Variants in GRIN2B observed in about 807,000 individuals in gnomAD.
The protein encoded by GRIN2B is glutamate receptor ionotropic, NMDA 2B.
In GRIN2B, 5 loss-of-function variants were observed where a neutral mutation model predicts 114.5. The observed-to-expected ratio is 0.04, with a 90% CI of 0.02 to 0.09. The LOEUF (loss-of-function observed/expected upper bound fraction) is 0.09. GRIN2B is among the 10% of genes least tolerant of loss of function. The pLI is 1.00. For missense variants in GRIN2B, 1,108 were observed against 1,943.5 expected, an observed-to-expected ratio of 0.57 and a Z score of 8.08; for synonymous variants, 787 against 745.1, an observed-to-expected ratio of 1.06 and a Z score of -0.92.
Position 13,791,369 on chromosome 12 carries a change from A to G in GRIN2B, c.412-37454T>C, listed in dbSNP as rs574522079. 3.2e-3 allele frequency among the ~76,000 whole-genome samples: 482 copies of G among 151,452 alleles called. 7 individuals carry two copies. The highest frequency in any genetic ancestry group is 0.011 in the African/African-American group (457 of 41,298). ...GGAGAGGCTGAGGCAGGAGAATGGCATGAACCCGGGAGGCGGAGCTTGCAG... is the reference window on the plus strand; with the variant it reads ...GGAGAGGCTGAGGCAGGAGAATGGCGTGAACCCGGGAGGCGGAGCTTGCAG... On this transcript the variant is annotated intron_variant, in intron 3 of 13. Transcript: ENST00000609686.
chr12:13,557,059 A>AATAG lies in GRIN2B; in HGVS notation c.*5720_*5723dup, dbSNP rs1445526956. 2.0e-5 allele frequency: 3 copies of AATAG among 152,344 alleles called. No individual in the cohort carries two copies. The highest frequency in any genetic ancestry group is 1.3e-4 in the Admixed American group (2 of 15,298). 9.4% of individuals were successfully genotyped at this position (152,344 alleles called of 1,614,324 possible). On this transcript the variant is annotated 3_prime_UTR_variant, in exon 14 of 14. Transcript: ENST00000609686. ...TTTGGGTGAGGGCCTTTGTCATAGG[A>AATAG]ATAGATAGGCTATCTCTTCTAAGTC... is the stretch of plus-strand genomic sequence containing the variant.
chr12:13,797,575 T>C (rs1356706479), intron 3 of GRIN2B, among the ~76,000 whole-genome samples: 1 of 152,226 alleles, frequency 6.6e-6, no homozygotes, highest in African/African-American at 2.4e-5. Context: ...CAAAAAGGTC[T>C]ACTTTCATGC....
chr12:13,565,110 G>A (rs1179427847), intron 13 of GRIN2B, among the ~76,000 whole-genome samples: 1 of 152,242 alleles, frequency 6.6e-6, no homozygotes, highest in Non-Finnish European at 1.5e-5. Context: ...TGACAGTAAA[G>A]CACAGGGGAG....
intron 6 of GRIN2B, among the ~76,000 whole-genome samples, chr12:13,616,137 CA>C (rs1555112276): frequency 6.6e-6 from 1 of 152,170 alleles, no homozygotes; most frequent in Non-Finnish European, 1.5e-5. Flanking sequence ...GATTCTGGGA[CA>C]TGCTGGCCCA....
In GRIN2B at chr12:13,928,094, T is replaced by A. The variant is rs1457685454; in HGVS notation, c.-19+51834A>T. 2.6e-5 allele frequency among the ~76,000 whole-genome samples: 4 copies of A among 151,458 alleles called. No homozygotes were observed. In the East Asian group the frequency reaches 7.8e-4, roughly 29 times the overall value. Reference sequence around the variant, plus strand: ...GGGAGGCTGAGGCGGGTGGATCACTTGAGGTCAGGAGTTTGAGACCAGCCT... The same window carrying A: ...GGGAGGCTGAGGCGGGTGGATCACTAGAGGTCAGGAGTTTGAGACCAGCCT... On this transcript the variant is annotated intron_variant, in intron 2 of 13. Transcript: ENST00000609686.
Position 13,969,904 on chromosome 12 carries a change from G to A in GRIN2B, c.-19+10024C>T, listed in dbSNP as rs1188682013. Among the ~76,000 whole-genome samples the A allele has an allele frequency of 5.3e-5, 8 of 152,356 alleles. No homozygotes were observed. In the East Asian group the frequency reaches 1.5e-3, roughly 29 times the overall value. On this transcript the variant is annotated intron_variant, in intron 2 of 13. Coordinates refer to ENST00000609686, the MANE Select transcript of GRIN2B (RefSeq NM_000834.5). ...TTTATTCCAGACAGTCCAGGCTGGA[G>A]TGCAGTGGTGCAATCTCAGCTCACT...
chr12:13,943,423 G>T (rs1031457007), intron 2 of GRIN2B, among the ~76,000 whole-genome samples: 1 of 152,200 alleles, frequency 6.6e-6, no homozygotes, highest in Non-Finnish European at 1.5e-5. Context: ...GTCAGATGAT[G>T]TCACACTCCT....
chr12:13,768,114 C>T lies in GRIN2B; in HGVS notation c.412-14199G>A, dbSNP rs952074971. On this transcript the variant is annotated intron_variant, in intron 3 of 13. Coordinates refer to ENST00000609686, the MANE Select transcript of GRIN2B (RefSeq NM_000834.5). ...TTGCTCAGTGAATGCCTTCTAGAGT[C>T]AGAATTAGTTAAGCTTCCTTCTTTG... Among the ~76,000 whole-genome samples, 3 of 152,350 alleles carry T rather than the reference C, an allele frequency of 2.0e-5. No individual in the cohort carries two copies. In the East Asian group the frequency reaches 5.8e-4, roughly 29 times the overall value.
At position 13,600,263 on chromosome 12, in the gene GRIN2B, CTTCAT is replaced by C. The variant is rs562760555; in HGVS notation, c.2010+8335_2010+8339del. On this transcript the variant is annotated intron_variant, in intron 10 of 13. Transcript: ENST00000609686. ...CCATCTGTCTCCTTCCTTCTCCTTC[CTTCAT>C]TTCATTTTTGTGTTTCACAAAAAGA... 1.4e-4 allele frequency among the ~76,000 whole-genome samples: 21 copies of C among 152,116 alleles called. No individual in the cohort carries two copies. The South Asian group carries it at 4.0e-3, about 29-fold the overall frequency.
chr12:13,876,143 A>G (rs1865987864), intron 2 of GRIN2B, among the ~76,000 whole-genome samples: 1 of 152,232 alleles, frequency 6.6e-6, no homozygotes, highest in Non-Finnish European at 1.5e-5. Flanking sequence ...AATCTTTTGA[A>G]GAAAGCAAGG....
chr12:13,723,799 CA>C (rs1333491943), intron 4 of GRIN2B, among the ~76,000 whole-genome samples: 1 of 152,074 alleles, frequency 6.6e-6, no homozygotes, highest in Non-Finnish European at 1.5e-5. Context: ...TTTGTCAATA[CA>C]TTTTCAAGTC....
chr12:13,753,412 A>G lies in GRIN2B; in HGVS notation c.915T>C (p.Ser305=). 2 of 1,613,872 alleles carry G rather than the reference A, an allele frequency of 1.2e-6. No individual in the cohort carries two copies. The highest frequency in any genetic ancestry group is 1.7e-6 in the Non-Finnish European group (2 of 1,179,706). ...TGAAGCTGTGCTCAGACAGCATGTC[A>G]GAAGCAGCAGTGGTGATTATGGCAA... ...DGIAIITTAA[S]DMLSEHSFIP... Residue 305 remains serine (S), a synonymous_variant, in exon 4 of 14, where the codon TCT becomes TCC. Coordinates refer to ENST00000609686, the MANE Select transcript of GRIN2B (RefSeq NM_000834.5). This position sits in a 1 kb window ranked among gnomAD's most constrained non-coding sequence, Gnocchi z 6.2.
intron 4 of GRIN2B, among the ~76,000 whole-genome samples, chr12:13,744,633 G>A (rs1457636201): frequency 6.6e-6 from 1 of 152,118 alleles, no homozygotes; most frequent in African/African-American, 2.4e-5. Context: ...GGAAAGAAAA[G>A]GCCTGGGCAT....
intron 2 of GRIN2B, among the ~76,000 whole-genome samples, chr12:13,879,519 A>T (rs1287688383): frequency 8.4e-6 from 1 of 118,576 alleles, no homozygotes; most frequent in African/African-American, 3.9e-5. Context: ...TAGAATTAGT[A>T]AAAAAAAAAA....
At chr12:13,741,769 C>T (rs1290239554) in intron 4 of GRIN2B, among the ~76,000 whole-genome samples, 2 of 151,968 alleles carry the variant, frequency 1.3e-5, no homozygotes, top group South Asian at 2.1e-4. Context: ...CCATGTTGCC[C>T]AAGCTGGTCT....
chr12:13,564,730 G>T lies in GRIN2B; in HGVS notation c.2599-91C>A. 3 of 1,140,788 alleles carry T rather than the reference G, an allele frequency of 2.6e-6. No homozygotes were observed. Among genetic ancestry groups the T allele is most frequent in the Non-Finnish European group, 4.0e-6 (3 of 758,282 alleles). The allele number at this position is 1,140,788 out of a possible 1,614,324, so 70.7% of individuals were successfully genotyped here. A position where few individuals can be genotyped will look rare whatever the true frequency, so the allele number is the denominator to read the frequency against. ...CTCCCACCAATAATTGCTCCAACTG[G>T]ATAAGAAAAAGGGAAAGCATGAAGC... On this transcript the variant is annotated intron_variant, in intron 13 of 13. Coordinates refer to ENST00000609686, the MANE Select transcript of GRIN2B (RefSeq NM_000834.5). This position sits in a 1 kb window ranked among gnomAD's most constrained non-coding sequence, Gnocchi z 4.8.
intron 6 of GRIN2B, among the ~76,000 whole-genome samples, chr12:13,616,135 G>A (rs1244449359): frequency 1.3e-5 from 2 of 152,066 alleles, no homozygotes; most frequent in Non-Finnish European, 2.9e-5. Context: ...AAGATTCTGG[G>A]ACATGCTGGC....
chr12:13,569,766 G>C (rs1591610749), intron 12 of GRIN2B, 64 bp downstream of exon 12: 1 of 978,846 alleles, frequency 1.0e-6, no homozygotes, highest in South Asian at 1.6e-5. Flanking sequence ...GAAAAGGAAA[G>C]GTTGATGTTT....
intron 10 of GRIN2B, among the ~76,000 whole-genome samples, chr12:13,604,122 T>C (rs1344231040): frequency 6.6e-6 from 1 of 152,140 alleles, no homozygotes; most frequent in Non-Finnish European, 1.5e-5. Flanking sequence ...GTGGGCTCTT[T>C]GTTAAGAGAA....
Sources: allele counts gnomAD v4.1 joint callset (sites outside exome capture counted in the v4.1 genomes callset), GRCh38; gene constraint gnomAD v4.1.1; non-coding constraint Gnocchi (gnomAD v3.1); transcripts MANE v1.5; gene names NCBI Gene and HGNC (gene_info 2026-07-23, HGNC 2026-07-21).